Variants in PIEZO1 observed in about 807,000 individuals in gnomAD.
PIEZO1 encodes piezo-type mechanosensitive ion channel component 1.
In PIEZO1, 296 loss-of-function variants were observed where a neutral mutation model predicts 297.2. The observed-to-expected ratio is 1.00, with a 90% CI of 0.91 to 1.10. PIEZO1 has a LOEUF of 1.10. Among genes scored for constraint, PIEZO1 ranks in the 50% least tolerant of loss-of-function variants. PIEZO1 has a pLI of 0.00. For missense variants in PIEZO1, 5,018 were observed against 3,455.5 expected, an observed-to-expected ratio of 1.45 and a Z score of -11.34; for synonymous variants, 2,427 against 1,507.5, an observed-to-expected ratio of 1.61 and a Z score of -14.13.
At chr16:88,756,814 T>C (rs539060298) in intron 1 of PIEZO1, among the ~76,000 whole-genome samples, 458 of 147,184 alleles carry the variant, frequency 3.1e-3, no homozygotes, top group East Asian at 7.3e-3. Flanking sequence ...CAGTGGCTCA[T>C]GCCTGTAATC....
In PIEZO1 at chr16:88,732,706, C is replaced by T. The variant is rs1348579769; in HGVS notation, c.2691G>A (p.Leu897=). Residue 897 remains leucine (L), a synonymous_variant, in exon 20 of 51, where the codon CTG becomes CTA. Coordinates refer to ENST00000301015, the MANE Select transcript of PIEZO1 (RefSeq NM_001142864.4). ...GCAGGGACTGGCTGATCTCCGTGGG[C>T]AGCAAGTTGGTGCTGTTGGGGAAGG... is the stretch of plus-strand genomic sequence containing the variant. ...TEPFPNSTNL[L]PTEISQSLLY... 3 of 1,548,728 alleles carry T rather than the reference C, an allele frequency of 1.9e-6. No individual in the cohort carries two copies. The highest frequency in any genetic ancestry group is 2.6e-6 in the Non-Finnish European group (3 of 1,145,988).
At chr16:88,752,270 C>G (rs1906428287) in intron 1 of PIEZO1, among the ~76,000 whole-genome samples, 1 of 152,104 alleles carries the variant, frequency 6.6e-6, no homozygotes, top group South Asian at 2.1e-4. Flanking sequence ...ATCACTTGAG[C>G]CCAGGAGTTC....
intron 1 of PIEZO1, among the ~76,000 whole-genome samples, chr16:88,754,435 GC>G (rs1444241580): frequency 1.3e-5 from 2 of 152,160 alleles, no homozygotes; most frequent in African/African-American, 4.8e-5. Flanking sequence ...AGATGCCTGA[GC>G]CCCCCTGCCA....
In PIEZO1 at chr16:88,716,443, T is replaced by G; in HGVS notation, c.6967A>C (p.Lys2323Gln). The part of the protein sequence containing the change: ...KGGTVEYANE[K>Q]HMLALAPNST... ...TTGGGGGCCAGGGCCAGCATGTGCT[T>G]CTCGTTGGCATACTCCACAGTGCCT... is the stretch of plus-strand genomic sequence containing the variant. The change falls in exon 48 of 51, where the codon AAG (lysine) becomes CAG (glutamine). Residue 2323 changes from lysine to glutamine, a missense_variant. Physicochemically the swap from Lys to Gln is moderately conservative, Grantham distance 53. Transcript: ENST00000301015. 11 of 1,549,760 alleles carry G rather than the reference T, an allele frequency of 7.1e-6. No individual in the cohort carries two copies. Among genetic ancestry groups the G allele is most frequent in the Non-Finnish European group, 9.6e-6 (11 of 1,146,692 alleles).
chr16:88,772,049 G>A (rs1374099575), intron 1 of PIEZO1, among the ~76,000 whole-genome samples: 3 of 131,136 alleles, frequency 2.3e-5, no homozygotes, highest in East Asian at 2.3e-4. Flanking sequence ...CCGTCCACCC[G>A]CGGCCCCAGG....
chr16:88,721,396 G>A lies in PIEZO1; in HGVS notation c.5438C>T (p.Pro1813Leu), dbSNP rs1264762836. 4.5e-6 allele frequency: 7 copies of A among 1,549,752 alleles called. No individual in the cohort carries two copies. Among genetic ancestry groups the A allele is most frequent in the Non-Finnish European group, 6.1e-6 (7 of 1,146,806 alleles). The change falls in exon 39 of 51, where the codon CCA (proline) becomes CTA (leucine). Residue 1813 changes from proline to leucine, a missense_variant. Coordinates refer to ENST00000301015, the MANE Select transcript of PIEZO1 (RefSeq NM_001142864.4). The part of the protein sequence containing the change: ...YGLWDHEEDS[P>L]SKEHDKSGEE... ...GCCGCTCTTGTCATGCTCCTTGGAT[G>A]GTGAGTCCTCCTCATGGTCCCAGAG...
At chr16:88,738,773 T>C (rs977274193) in intron 5 of PIEZO1, 37 bp from the exon 6 acceptor site, 42 of 1,504,686 alleles carry the variant, frequency 2.8e-5, no homozygotes, top group African/African-American at 1.9e-4. Flanking sequence ...GTCAGGTGTA[T>C]CGCACTGACG....
At chr16:88,778,365 C>A (rs1907766886) in intron 1 of PIEZO1, among the ~76,000 whole-genome samples, 1 of 152,184 alleles carries the variant, frequency 6.6e-6, no homozygotes, top group Non-Finnish European at 1.5e-5. Flanking sequence ...AGAAGCAGCC[C>A]CAGCTATATA....
intron 12 of PIEZO1, 35 bp from the exon 13 acceptor site, chr16:88,735,281 G>A (rs1181089811): frequency 1.4e-6 from 2 of 1,457,672 alleles, no homozygotes; most frequent in South Asian, 1.2e-5. Flanking sequence ...GTCAGCCGGG[G>A]GGCCCAGCAC....
intron 2 of PIEZO1, among the ~76,000 whole-genome samples, chr16:88,748,978 C>A (rs1158798917): frequency 7.0e-6 from 1 of 142,590 alleles, no homozygotes; most frequent in South Asian, 2.3e-4. Context: ...TGGCTCACGT[C>A]TGTAATCCCA....
intron 1 of PIEZO1, among the ~76,000 whole-genome samples, chr16:88,754,727 G>T (rs914773175): frequency 6.6e-6 from 1 of 152,212 alleles, no homozygotes; most frequent in Non-Finnish European, 1.5e-5. Flanking sequence ...CAGCCGGTGC[G>T]GCCTGTGTGT....
intron 29 of PIEZO1, 97 bp from the exon 30 acceptor site, chr16:88,725,177 C>A: frequency 1.2e-6 from 1 of 847,594 alleles, no homozygotes; most frequent in Non-Finnish European, 1.8e-6. Context: ...TAGGTGGAGA[C>A]AGACACGGAC....
At chr16:88,737,368 A>T in intron 10 of PIEZO1, 191 bp downstream of exon 10, 2 of 559,024 alleles carry the variant, frequency 3.6e-6, no homozygotes, top group Non-Finnish European at 6.3e-6. Context: ...GGTCAGTGAC[A>T]TGGCCACTCG....
At chr16:88,717,557 G>A (rs537607938) in intron 44 of PIEZO1, 13 of 494,792 alleles carry the variant, frequency 2.6e-5, no homozygotes, top group African/African-American at 7.7e-5. Flanking sequence ...ATCAAAGAGC[G>A]AAACTTCAGA....
intron 1 of PIEZO1, among the ~76,000 whole-genome samples, chr16:88,781,170 G>A (rs950816265): frequency 1.9e-4 from 29 of 152,212 alleles, no homozygotes; most frequent in Non-Finnish European, 2.5e-4. Flanking sequence ...GCCCACGGTG[G>A]TTCCCCTTCA....
chr16:88,732,146 C>T (rs572155702), intron 21 of PIEZO1, among the ~76,000 whole-genome samples, 189 bp downstream of exon 21: 1 of 152,046 alleles, frequency 6.6e-6, no homozygotes, highest in African/African-American at 2.4e-5. Flanking sequence ...CTAACTTGGC[C>T]CCCTGCCTGT....
At chr16:88,784,723 C>T (rs1908099267) in intron 1 of PIEZO1, among the ~76,000 whole-genome samples, 178 bp downstream of exon 1, 1 of 151,650 alleles carries the variant, frequency 6.6e-6, no homozygotes, top group South Asian at 2.1e-4. Context: ...AGGAGCCCCG[C>T]CGCCGCCTGG....
intron 1 of PIEZO1, among the ~76,000 whole-genome samples, chr16:88,754,269 G>C (rs1040601927): frequency 6.6e-6 from 1 of 152,190 alleles, no homozygotes; most frequent in African/African-American, 2.4e-5. Flanking sequence ...CCAAGGGCTG[G>C]GCTGGCCTCT....
chr16:88,725,664 G>A lies in PIEZO1; in HGVS notation c.3989C>T (p.Ala1330Val). 1 of 1,547,048 alleles carries A rather than the reference G, an allele frequency of 6.5e-7. No individual in the cohort carries two copies. The highest frequency in any genetic ancestry group is 8.7e-7 in the Non-Finnish European group (1 of 1,143,816). ...AAAGTCAATGCTCTTGAGGTTGGCAGCGTTGTAGAGGGCGAAGCCCCTGTA... is the reference window on the plus strand; with the variant it reads ...AAAGTCAATGCTCTTGAGGTTGGCAACGTTGTAGAGGGCGAAGCCCCTGTA... ...LASRGFALYN[A>V]ANLKSIDFHR... The change falls in exon 28 of 51, where the codon GCT becomes GTT. Residue 1330 changes from alanine to valine, a missense_variant. Coordinates refer to ENST00000301015, the MANE Select transcript of PIEZO1 (RefSeq NM_001142864.4).
Sources: allele counts gnomAD v4.1 joint callset (sites outside exome capture counted in the v4.1 genomes callset), GRCh38; gene constraint gnomAD v4.1.1; transcripts MANE v1.5; gene names NCBI Gene and HGNC (gene_info 2026-07-23, HGNC 2026-07-21).